Variants in CTNND2 observed in about 807,000 individuals in gnomAD.
The protein encoded by CTNND2 is catenin delta 2.
Under a neutral mutation model 144.4 loss-of-function variants are expected in CTNND2, and 22 were observed. That is an observed-to-expected ratio of 0.15 (90% CI 0.11 to 0.22). The LOEUF is 0.22. CTNND2 is among the 10% of genes least tolerant of loss of function. The pLI is 1.00. For synonymous variants in CTNND2, 751 were observed against 695.6 expected (o/e 1.08, Z -1.25); for missense variants, 1,353 against 1,618.8 (o/e 0.84, Z 2.82).
At chr5:11,820,441 C>T (rs1401915114) in intron 1 of CTNND2, among the ~76,000 whole-genome samples, 1 of 152,158 alleles carries the variant, frequency 6.6e-6, no homozygotes, top group Non-Finnish European at 1.5e-5. Flanking sequence ...AAAATAGTAT[C>T]CATATTGCAT....
At chr5:11,034,212 G>A (rs1030608915) in intron 16 of CTNND2, among the ~76,000 whole-genome samples, 2 of 152,102 alleles carry the variant, frequency 1.3e-5, no homozygotes, top group South Asian at 2.1e-4. Flanking sequence ...TAAAAGATTA[G>A]GTTTGTTTCC....
intron 1 of CTNND2, among the ~76,000 whole-genome samples, chr5:11,757,846 T>G (rs927024037): frequency 1.1e-4 from 17 of 151,972 alleles, no homozygotes; most frequent in African/African-American, 4.1e-4. Flanking sequence ...AAAAATCTTC[T>G]GACCCTTACA....
chr5:11,008,155 T>C (rs1204926278), intron 18 of CTNND2, among the ~76,000 whole-genome samples: 1 of 152,166 alleles, frequency 6.6e-6, no homozygotes, highest in Non-Finnish European at 1.5e-5. Context: ...CAGGCTTTTA[T>C]GTGAGAGGGA....
chr5:11,513,908 G>A (rs1003821077), intron 3 of CTNND2, among the ~76,000 whole-genome samples: 1 of 152,124 alleles, frequency 6.6e-6, no homozygotes, highest in Non-Finnish European at 1.5e-5. Context: ...ATGCACTGAA[G>A]ACAAACATGC....
intron 2 of CTNND2, among the ~76,000 whole-genome samples, chr5:11,621,390 C>G (rs558499403): frequency 6.6e-6 from 1 of 152,034 alleles, no homozygotes; most frequent in East Asian, 1.9e-4. Context: ...CCAGTAGCAT[C>G]TTTGCTGATT....
intron 2 of CTNND2, among the ~76,000 whole-genome samples, chr5:11,585,972 G>A (rs1375394074): frequency 6.6e-6 from 1 of 152,110 alleles, no homozygotes; most frequent in Non-Finnish European, 1.5e-5. Context: ...GTGAGAGGAG[G>A]AAACATCTTG....
chr5:11,564,829 C>A, intron 3 of CTNND2, 115 bp downstream of exon 3: 1 of 669,464 alleles, frequency 1.5e-6, no homozygotes, highest in Non-Finnish European at 2.6e-6. Context: ...CAATTTCTTT[C>A]CAACGTTTGA....
intron 1 of CTNND2, among the ~76,000 whole-genome samples, chr5:11,743,603 G>A (rs1196041338): frequency 6.6e-6 from 1 of 152,176 alleles, no homozygotes; most frequent in Non-Finnish European, 1.5e-5. Flanking sequence ...GCAACCACAA[G>A]GGCATCAGCA....
chr5:11,299,321 T>C (rs1179627584), intron 9 of CTNND2, among the ~76,000 whole-genome samples: 1 of 152,190 alleles, frequency 6.6e-6, no homozygotes, highest in Admixed American at 6.5e-5. Flanking sequence ...CTTTGGTATA[T>C]ACTCTCTCAA....
intron 9 of CTNND2, among the ~76,000 whole-genome samples, chr5:11,294,000 T>C (rs192784831): frequency 8.4e-4 from 128 of 151,490 alleles, no homozygotes; most frequent in East Asian, 7.0e-3. Flanking sequence ...AGGACTGCCT[T>C]CCAGGAACCC....
At chr5:11,352,512 G>A (rs1362454905) in intron 8 of CTNND2, among the ~76,000 whole-genome samples, 1 of 152,032 alleles carries the variant, frequency 6.6e-6, no homozygotes, top group African/African-American at 2.4e-5. Flanking sequence ...ATTTATCTAC[G>A]TAACAAACCT....
chr5:11,601,695 C>T (rs533137694), intron 2 of CTNND2, among the ~76,000 whole-genome samples: 1 of 152,128 alleles, frequency 6.6e-6, no homozygotes, highest in African/African-American at 2.4e-5. Flanking sequence ...TAAATTATCA[C>T]TTTTGATCTT....
chr5:11,705,526 T>C (rs999233712), intron 2 of CTNND2, among the ~76,000 whole-genome samples: 1 of 152,114 alleles, frequency 6.6e-6, no homozygotes, highest in Non-Finnish European at 1.5e-5. Flanking sequence ...CATCTGAAAA[T>C]GTAAATAGTA....
intron 13 of CTNND2, 124 bp from the exon 14 acceptor site, chr5:11,111,167 C>A (rs1409746528): frequency 1.3e-5 from 13 of 1,002,584 alleles, no homozygotes; most frequent in Non-Finnish European, 1.7e-5. Flanking sequence ...TAGCTGCCAG[C>A]TTCTGAAAGC....
chr5:11,167,143 T>C (rs1243655047), intron 11 of CTNND2, among the ~76,000 whole-genome samples: 2 of 152,132 alleles, frequency 1.3e-5, no homozygotes, highest in Non-Finnish European at 2.9e-5. Flanking sequence ...CATTCTAGGC[T>C]GAGTCTCAGA....
At chr5:11,292,444 C>T (rs1316964790) in intron 9 of CTNND2, among the ~76,000 whole-genome samples, 1 of 146,386 alleles carries the variant, frequency 6.8e-6, no homozygotes. Flanking sequence ...AAATTGTAAT[C>T]CCCATAATCC....
chr5:11,824,239 C>T (rs760978150), intron 1 of CTNND2, among the ~76,000 whole-genome samples: 1 of 152,132 alleles, frequency 6.6e-6, no homozygotes, highest in African/African-American at 2.4e-5. Flanking sequence ...ATAAATACCG[C>T]ATTGGCCAAT....
At chr5:11,765,429 A>C (rs1191968713) in intron 1 of CTNND2, among the ~76,000 whole-genome samples, 1 of 152,166 alleles carries the variant, frequency 6.6e-6, no homozygotes, top group East Asian at 1.9e-4. Context: ...GGGAGCAAAG[A>C]CCAGAAGAAA....
chr5:11,572,794 T>C (rs985256852), intron 2 of CTNND2, among the ~76,000 whole-genome samples: 1 of 151,962 alleles, frequency 6.6e-6, no homozygotes, highest in Non-Finnish European at 1.5e-5. Flanking sequence ...CACGATCGAG[T>C]TAGCTGCATG....
Sources: allele counts gnomAD v4.1 joint callset (sites outside exome capture counted in the v4.1 genomes callset), GRCh38; gene constraint gnomAD v4.1.1; transcripts MANE v1.5; gene names NCBI Gene and HGNC (gene_info 2026-07-23, HGNC 2026-07-21).